COL6A6: variants seen among roughly 807,000 people sequenced by gnomAD.
COL6A6 encodes the protein collagen alpha-6(VI) chain.
A neutral mutation model predicts 208.6 loss-of-function variants in COL6A6; 183 were observed. The ratio of observed to expected loss-of-function variants is 0.88; its 90% CI spans 0.78 to 0.99. COL6A6 has a LOEUF of 0.99. COL6A6 is among the 50% of genes least tolerant of loss of function. COL6A6 has a pLI of 0.00. For missense variants in COL6A6, 2,816 were observed against 2,815.2 expected, an observed-to-expected ratio of 1.00 and a Z score of -0.01; for synonymous variants, 973 against 1,011.8, an observed-to-expected ratio of 0.96 and a Z score of 0.73.
In COL6A6 at chr3:130,658,816, CATG is replaced by C. The variant is rs751493468; in HGVS notation, c.5830+49_5830+51del. ...AGGTAATTTGGTCAGGCCTATTAAG[CATG>C]ATGAGTCACCACTGGCAGGGGCAAC... On this transcript the variant is annotated intron_variant, in intron 34 of 36. Coordinates refer to ENST00000358511, the MANE Select transcript of COL6A6 (RefSeq NM_001102608.3). 6.5e-6 allele frequency: 9 copies of C among 1,374,834 alleles called. No individual in the cohort carries two copies. The Admixed American group carries it at 1.7e-4, about 25-fold the overall frequency. The allele number at this position is 1,374,834 out of a possible 1,614,324, so 85.2% of individuals were successfully genotyped here. A position where few individuals can be genotyped will look rare whatever the true frequency, so the allele number is the denominator to read the frequency against.
intron 10 of COL6A6, 103 bp downstream of exon 10, chr3:130,582,171 C>A (rs1460634417): frequency 7.2e-6 from 5 of 695,172 alleles, no homozygotes; most frequent in Non-Finnish European, 1.2e-5. Context: ...TTGAATAACC[C>A]TGATTTTGAC....
rs527887091 is a variant in COL6A6, at chr3:130,615,920, T to A, written c.4815+5209T>A. Among the ~76,000 whole-genome samples, 4 of 152,280 alleles carry A rather than the reference T, an allele frequency of 2.6e-5. No individual in the cohort carries two copies. The East Asian group carries it at 7.7e-4, about 29-fold the overall frequency. On this transcript the variant is annotated intron_variant, in intron 23 of 36. Coordinates refer to ENST00000358511, the MANE Select transcript of COL6A6 (RefSeq NM_001102608.3). The stretch of plus-strand genomic sequence containing the variant: ...GCAAGATTGGTCATGGCCATAAATC[T>A]TTCAGCCTCTTGGCATTGTCAGAGT...
At chr3:130,599,203 A>G (rs2063934121) in intron 19 of COL6A6, among the ~76,000 whole-genome samples, 1 of 152,170 alleles carries the variant, frequency 6.6e-6, no homozygotes, top group Non-Finnish European at 1.5e-5. Context: ...TTCAGTAAAT[A>G]TTATCTGCCA....
intron 36 of COL6A6, among the ~76,000 whole-genome samples, chr3:130,674,564 A>G (rs1270087284): frequency 6.6e-6 from 1 of 152,230 alleles, no homozygotes; most frequent in African/African-American, 2.4e-5. Context: ...TTAAGCAGAT[A>G]GTAAACATAT....
Position 130,649,395 on chromosome 3 carries a change from C to T in COL6A6, c.5566C>T (p.Arg1856Trp), listed in dbSNP as rs1388454810. Reference protein sequence around the residue: ...MRFISRNVFKRTLPGAHTRKI... With the variant: ...MRFISRNVFKWTLPGAHTRKI... Reference sequence around the variant, plus strand: ...GTTTATTTCCAGGAATGTCTTCAAGCGGACGCTTCCGGGGGCACACACGAG... The same window carrying T: ...GTTTATTTCCAGGAATGTCTTCAAGTGGACGCTTCCGGGGGCACACACGAG... Residue 1856 changes from arginine to tryptophan, a missense_variant, in exon 33 of 37, where the codon CGG becomes TGG. Physicochemically the swap from Arg to Trp is moderately radical, Grantham distance 101 (BLOSUM62 -3). Transcript: ENST00000358511. 3.1e-6 allele frequency: 5 copies of T among 1,612,756 alleles called. No homozygotes were observed. Among genetic ancestry groups the T allele is most frequent in the South Asian group, 1.1e-5 (1 of 90,708 alleles).
intron 24 of COL6A6, among the ~76,000 whole-genome samples, chr3:130,622,203 A>AC (rs767379161): frequency 0.19 from 10,095 of 54,088 alleles, 767 homozygotes; most frequent in Admixed American, 0.41. Flanking sequence ...CCCCCCGCCT[A>AC]CCCCCCCCTT....
chr3:130,543,970 A>C (rs2062434596), intron 1 of COL6A6, among the ~76,000 whole-genome samples: 1 of 152,158 alleles, frequency 6.6e-6, no homozygotes, highest in Admixed American at 6.5e-5. Context: ...TATATAGTAA[A>C]ACGATCAGCC....
At chr3:130,664,835 T>C (rs1379378322) in intron 35 of COL6A6, among the ~76,000 whole-genome samples, 168 bp from the exon 36 acceptor site, 2 of 152,206 alleles carry the variant, frequency 1.3e-5, no homozygotes, top group Non-Finnish European at 2.9e-5. Flanking sequence ...CTAAAGTCAG[T>C]TTTAAAGATT....
Position 130,650,480 on chromosome 3 carries a change from G to A in COL6A6, c.5733+918G>A, listed in dbSNP as rs79789908. On this transcript the variant is annotated intron_variant, in intron 33 of 36. Coordinates refer to ENST00000358511, the MANE Select transcript of COL6A6 (RefSeq NM_001102608.3). Reference sequence around the variant, plus strand: ...TACTAAAAATACAAAAATTAGCCGGGCGCGATGGCAGGCACCTGTAATCCC... The same window carrying A: ...TACTAAAAATACAAAAATTAGCCGGACGCGATGGCAGGCACCTGTAATCCC... Among the ~76,000 whole-genome samples, 941 of 152,208 alleles carry A rather than the reference G, an allele frequency of 6.2e-3. 12 individuals are homozygous for A. Among genetic ancestry groups the A allele is most frequent in the African/African-American group, 0.022 (895 of 41,532 alleles).
At chr3:130,635,562 C>G in intron 27 of COL6A6, 137 bp from the exon 28 acceptor site, 3 of 624,658 alleles carry the variant, frequency 4.8e-6, no homozygotes, top group Non-Finnish European at 8.5e-6. Context: ...AACACACACA[C>G]TCACACTCTT....
intron 28 of COL6A6, among the ~76,000 whole-genome samples, chr3:130,639,689 C>CAA (rs57615059): frequency 2.3e-4 from 22 of 94,598 alleles, no homozygotes; most frequent in South Asian, 1.3e-3. Flanking sequence ...GATCCTGTCT[C>CAA]AAAAAAAAAA....
intron 1 of COL6A6, among the ~76,000 whole-genome samples, chr3:130,547,872 G>GCTGCAACCTTCGCCTCC (rs1234302635): frequency 1.3e-5 from 2 of 152,012 alleles, no homozygotes; most frequent in African/African-American, 4.8e-5. Context: ...GTCTCGGCTC[G>GCTGCAACCTTCGCCTCC]CTGCAACCTT....
At chr3:130,594,229 A>G in intron 17 of COL6A6, 52 bp from the exon 18 acceptor site, 3 of 1,343,130 alleles carry the variant, frequency 2.2e-6, no homozygotes, top group Non-Finnish European at 3.2e-6. Context: ...GTTTTTATTA[A>G]TTTTATTAAA....
intron 1 of COL6A6, among the ~76,000 whole-genome samples, chr3:130,523,039 T>C (rs375967753): frequency 5.0e-4 from 76 of 152,078 alleles, no homozygotes; most frequent in African/African-American, 1.7e-3. Flanking sequence ...CTTATCCTGG[T>C]TGAAAATCCT....
chr3:130,570,231 G>T (rs1289428525), intron 6 of COL6A6, among the ~76,000 whole-genome samples: 2 of 152,186 alleles, frequency 1.3e-5, no homozygotes, highest in Non-Finnish European at 2.9e-5. Context: ...GACCCAGTGC[G>T]AAGTGGGCTT....
rs2063154971 is a variant in COL6A6, at chr3:130,571,178, G to T, written c.2762G>T (p.Gly921Val). The T allele has an allele frequency of 2.5e-6, 4 of 1,613,392 alleles. No homozygotes were observed. The highest frequency in any genetic ancestry group is 1.3e-5 in the African/African-American group (1 of 74,936). The change falls in exon 7 of 37, where the codon GGG (glycine) becomes GTG (valine). Residue 921 changes from glycine to valine, a missense_variant. Coordinates refer to ENST00000358511, the MANE Select transcript of COL6A6 (RefSeq NM_001102608.3). The stretch of plus-strand genomic sequence containing the variant: ...CAAGTCCTCATTGTGATCACCGATG[G>T]GGAATCCCATGATGCTGATAAACTC... ...VPQVLIVITD[G>V]ESHDADKLNA...
chr3:130,592,840 T>C (rs117212273), intron 15 of COL6A6, 118 bp downstream of exon 15: 136 of 1,008,280 alleles, frequency 1.3e-4, no homozygotes, highest in East Asian at 1.1e-3. Context: ...TCCTTTTTTA[T>C]TGCCAGCCAT....
intron 23 of COL6A6, 81 bp from the exon 24 acceptor site, chr3:130,621,740 C>T (rs1455840302): frequency 8.1e-7 from 1 of 1,232,676 alleles, no homozygotes; most frequent in South Asian, 1.3e-5. Context: ...CTGTGGTTCA[C>T]TTTCCTCTTA....
At chr3:130,650,012 G>C (rs1010938458) in intron 33 of COL6A6, among the ~76,000 whole-genome samples, 7 of 152,180 alleles carry the variant, frequency 4.6e-5, no homozygotes, top group African/African-American at 1.4e-4. Context: ...TGTGTGATGA[G>C]AGCCAATTTG....
Sources: gnomAD v4.1 joint callset for allele counts (sites outside exome capture counted in the v4.1 genomes callset) on GRCh38, gnomAD v4.1.1 for gene constraint, MANE v1.5 for transcripts, NCBI Gene and HGNC (gene_info 2026-07-23, HGNC 2026-07-21) for gene names.